Variants in CTNNA3 observed in about 807,000 individuals in gnomAD.
CTNNA3 encodes the protein catenin alpha-3.
A neutral mutation model predicts 95.7 loss-of-function variants in CTNNA3; 76 were observed. That is an observed-to-expected ratio of 0.79 (90% CI 0.66 to 0.96). The LOEUF is 0.96. Among genes scored for constraint, CTNNA3 ranks in the 40% least tolerant of loss-of-function variants. The pLI is 0.00. For missense variants in CTNNA3, 1,191 were observed against 1,089.8 expected, an observed-to-expected ratio of 1.09 and a Z score of -1.31; for synonymous variants, 431 against 374.4, an observed-to-expected ratio of 1.15 and a Z score of -1.74.
At chr10:67,312,183 C>T (rs539476396) in intron 5 of CTNNA3, among the ~76,000 whole-genome samples, 9 of 152,054 alleles carry the variant, frequency 5.9e-5, no homozygotes, top group African/African-American at 2.2e-4. Context: ...AGCAATTCTC[C>T]TGCCTTAGAT....
intron 5 of CTNNA3, among the ~76,000 whole-genome samples, chr10:67,237,161 T>G (rs1374374204): frequency 2.1e-5 from 2 of 95,932 alleles, no homozygotes; most frequent in African/African-American, 9.8e-5. Flanking sequence ...TATATATATA[T>G]ATATATATAT....
chr10:66,896,421 T>A (rs1190584301), intron 7 of CTNNA3, among the ~76,000 whole-genome samples: 1 of 152,186 alleles, frequency 6.6e-6, no homozygotes, highest in Non-Finnish European at 1.5e-5. Context: ...GGGCCACAGC[T>A]TTGTTTGTTT....
At chr10:66,683,164 G>A (rs977625263) in intron 9 of CTNNA3, among the ~76,000 whole-genome samples, 2 of 152,148 alleles carry the variant, frequency 1.3e-5, no homozygotes, top group African/African-American at 4.8e-5. Flanking sequence ...TGAAGTAGTA[G>A]GTGCTATCAA....
intron 7 of CTNNA3, among the ~76,000 whole-genome samples, chr10:66,983,815 T>TA (rs1281327658): frequency 6.6e-6 from 1 of 152,208 alleles, no homozygotes; most frequent in Non-Finnish European, 1.5e-5. Flanking sequence ...TACTACCTGT[T>TA]AAAAATGTAC....
chr10:67,592,038 C>A (rs938065892), intron 3 of CTNNA3, among the ~76,000 whole-genome samples: 1 of 152,044 alleles, frequency 6.6e-6, no homozygotes, highest in Non-Finnish European at 1.5e-5. Flanking sequence ...GAACTTTCAT[C>A]CCTATCTTAC....
At chr10:66,155,899 TAAAGAAA>T (rs1377562298) in intron 13 of CTNNA3, among the ~76,000 whole-genome samples, 1 of 150,052 alleles carries the variant, frequency 6.7e-6, no homozygotes, top group East Asian at 2.0e-4. Flanking sequence ...TTTCCCAGAA[TAAAGAAA>T]GAACTCAAAA....
chr10:66,923,124 G>T, intron 7 of CTNNA3, among the ~76,000 whole-genome samples: 1 of 151,708 alleles, frequency 6.6e-6, no homozygotes, highest in East Asian at 1.9e-4. Flanking sequence ...AAGATCCAAA[G>T]GGTAGGTGTA....
At chr10:67,525,858 T>A (rs933771433) in intron 4 of CTNNA3, among the ~76,000 whole-genome samples, 1 of 152,216 alleles carries the variant, frequency 6.6e-6, no homozygotes, top group Non-Finnish European at 1.5e-5. Context: ...CATGTTTTCT[T>A]ATTTAATATT....
intron 1 of CTNNA3, among the ~76,000 whole-genome samples, chr10:67,705,904 G>A (rs926316291): frequency 3.9e-5 from 6 of 152,140 alleles, no homozygotes; most frequent in East Asian, 1.9e-4. Flanking sequence ...TAACTAGAGC[G>A]AAGTCTGGTA....
intron 10 of CTNNA3, among the ~76,000 whole-genome samples, chr10:66,621,148 G>T (rs929410546): frequency 6.6e-6 from 1 of 152,042 alleles, no homozygotes; most frequent in Admixed American, 6.6e-5. Flanking sequence ...AAGAAAAAAA[G>T]AGTCAATTCT....
In CTNNA3 at chr10:65,914,092, T is replaced by A. The variant is rs1007230915; in HGVS notation, c.*6238A>T. On this transcript the variant is annotated 3_prime_UTR_variant, in exon 18 of 18. Transcript: ENST00000433211. ...AAATAAACTTTGGAACTGGGAATAT[T>A]TCATTTGAAATGAAAACACAAGAAC... 2 of 152,302 alleles carry A rather than the reference T, an allele frequency of 1.3e-5. No homozygotes were observed. The highest frequency in any genetic ancestry group is 3.4e-3 in the Middle Eastern group (1 of 294). The allele number at this position is 152,302 out of a possible 1,614,324, so 9.4% of individuals were successfully genotyped here. A position where few individuals can be genotyped will look rare whatever the true frequency, so the allele number is the denominator to read the frequency against.
chr10:66,702,593 C>A (rs1307253980), intron 9 of CTNNA3, among the ~76,000 whole-genome samples: 1 of 150,894 alleles, frequency 6.6e-6, no homozygotes, highest in African/African-American at 2.4e-5. Context: ...GTAATCCCAG[C>A]TACTCAGGAG....
At chr10:66,339,270 C>T (rs1277908133) in intron 12 of CTNNA3, among the ~76,000 whole-genome samples, 2 of 151,776 alleles carry the variant, frequency 1.3e-5, no homozygotes, top group Non-Finnish European at 3.0e-5. Context: ...AACAATTTAG[C>T]TAGCTATTAA....
At chr10:67,383,601 T>C (rs1250135321) in intron 5 of CTNNA3, among the ~76,000 whole-genome samples, 1 of 152,160 alleles carries the variant, frequency 6.6e-6, no homozygotes, top group Admixed American at 6.6e-5. Context: ...AACTAGAATG[T>C]GGTCCTTGAT....
rs992664755 is a variant in CTNNA3, at chr10:67,371,767, T to C, written c.579+150075A>G. Reference sequence around the variant, plus strand: ...CCAGTAATGGGATGGCTGGGTCAAATGGTATTTCTAGTTCTAGATCCCTGA... The same window carrying C: ...CCAGTAATGGGATGGCTGGGTCAAACGGTATTTCTAGTTCTAGATCCCTGA... On this transcript the variant is annotated intron_variant, in intron 5 of 17. Coordinates refer to ENST00000433211, the MANE Select transcript of CTNNA3 (RefSeq NM_013266.4). Among the ~76,000 whole-genome samples the C allele has an allele frequency of 6.6e-5, 10 of 152,306 alleles. No homozygotes were observed. In the South Asian group the frequency reaches 8.3e-4, roughly 13 times the overall value.
At chr10:66,040,271 T>C (rs1212747118) in intron 15 of CTNNA3, among the ~76,000 whole-genome samples, 1 of 151,930 alleles carries the variant, frequency 6.6e-6, no homozygotes, top group Non-Finnish European at 1.5e-5. Context: ...TTATACACTA[T>C]TGGGTGGGAG....
intron 11 of CTNNA3, among the ~76,000 whole-genome samples, chr10:66,418,502 C>T (rs2093164497): frequency 6.6e-6 from 1 of 150,796 alleles, no homozygotes; most frequent in African/African-American, 2.5e-5. Flanking sequence ...GGACTGATTT[C>T]TTCCTAACAT....
At chr10:67,607,360 T>C (rs1843313116) in intron 2 of CTNNA3, among the ~76,000 whole-genome samples, 1 of 151,840 alleles carries the variant, frequency 6.6e-6, no homozygotes, top group Admixed American at 6.5e-5. Flanking sequence ...TAGTGTTATT[T>C]GTTATTAAGA....
At chr10:66,794,123 G>A (rs551130113) in intron 7 of CTNNA3, among the ~76,000 whole-genome samples, 31 of 152,188 alleles carry the variant, frequency 2.0e-4, no homozygotes, top group African/African-American at 6.7e-4. Flanking sequence ...ACTAGGGCAT[G>A]GTTTAGACAG....
Sources: allele counts gnomAD v4.1 joint callset (sites outside exome capture counted in the v4.1 genomes callset), GRCh38; gene constraint gnomAD v4.1.1; transcripts MANE v1.5; gene names NCBI Gene and HGNC (gene_info 2026-07-23, HGNC 2026-07-21).